The following DMD variants were observed in gnomAD, a reference collection of about 807,000 sequenced individuals.
The protein encoded by DMD is dystrophin.
In DMD, 63 loss-of-function variants were observed where a neutral mutation model predicts 330.1. That is an observed-to-expected ratio of 0.19 (90% CI 0.16 to 0.24). DMD has a LOEUF of 0.24. Ranked by LOEUF, DMD falls within the 10% of genes least tolerant of loss-of-function variation. The pLI is 1.00. For synonymous variants in DMD, 1,223 were observed against 959.8 expected (o/e 1.27, Z -5.07); for missense variants, 3,344 against 2,684.1 (o/e 1.25, Z -5.43).
chrX:32,944,908 T>C (rs1256940414), intron 2 of DMD, among the ~76,000 whole-genome samples: 1 of 111,011 alleles, frequency 9.0e-6, no homozygotes, highest in African/African-American at 3.3e-5. Flanking sequence ...ACCCAGCCAG[T>C]AGAAGTTTTA....
chrX:32,540,026 A>G (rs1192102006), intron 17 of DMD, among the ~76,000 whole-genome samples: 7 of 111,955 alleles, frequency 6.3e-5, no homozygotes, highest in African/African-American at 2.3e-4. Flanking sequence ...TTAAGATGGC[A>G]TTCACTTAAA....
chrX:31,325,610 A>C (rs1346122617), intron 61 of DMD, among the ~76,000 whole-genome samples: 1 of 110,990 alleles, frequency 9.0e-6, no homozygotes, highest in African/African-American at 3.3e-5. Flanking sequence ...GCAAAACTCC[A>C]ACTGAAAAAC....
At chrX:31,275,831 A>G (rs1603282237) in intron 62 of DMD, among the ~76,000 whole-genome samples, 1 of 111,371 alleles carries the variant, frequency 9.0e-6, no homozygotes, top group Admixed American at 9.6e-5. Flanking sequence ...GGGCTAGAGG[A>G]AAAGGAAAAG....
chrX:31,200,379 C>T (rs1317150606), intron 67 of DMD, among the ~76,000 whole-genome samples: 1 of 111,394 alleles, frequency 9.0e-6, no homozygotes, highest in Admixed American at 9.6e-5. Context: ...AACCCTTCCA[C>T]CAGCTGAGGG....
chrX:31,906,122 C>G (rs546768858), intron 47 of DMD, among the ~76,000 whole-genome samples: 1 of 111,109 alleles, frequency 9.0e-6, no homozygotes, highest in Middle Eastern at 4.2e-3. Context: ...TGAGTTCTCA[C>G]GAGGTCTGAT....
intron 7 of DMD, among the ~76,000 whole-genome samples, chrX:32,706,467 G>T (rs1378352991): frequency 1.8e-5 from 2 of 110,474 alleles, no homozygotes. Flanking sequence ...GGGAGGCTGA[G>T]GTTAGAGAAT....
At chrX:31,626,053 C>T (rs940440987) in intron 55 of DMD, among the ~76,000 whole-genome samples, 1 of 111,067 alleles carries the variant, frequency 9.0e-6, no homozygotes, top group African/African-American at 3.3e-5. Flanking sequence ...GGCGCCACCT[C>T]GGCTCACTGC....
chrX:31,741,960 C>T (rs1286875576), intron 51 of DMD, among the ~76,000 whole-genome samples: 1 of 112,127 alleles, frequency 8.9e-6, no homozygotes, highest in Non-Finnish European at 1.9e-5. Flanking sequence ...GCTGCAGCTT[C>T]TCCATCAGCA....
At chrX:32,175,530 G>A (rs893679612) in intron 44 of DMD, among the ~76,000 whole-genome samples, 3 of 110,591 alleles carry the variant, frequency 2.7e-5, no homozygotes, top group Non-Finnish European at 3.8e-5. Flanking sequence ...TCGCTGTTTG[G>A]GTTCGTGCCA....
chrX:31,260,336 T>C (rs1234990045), intron 63 of DMD, among the ~76,000 whole-genome samples: 2 of 112,297 alleles, frequency 1.8e-5, no homozygotes, highest in Non-Finnish European at 3.8e-5. Context: ...TGGACATTTG[T>C]CCAGTGTAAA....
intron 9 of DMD, among the ~76,000 whole-genome samples, chrX:32,666,070 CAG>C (rs758667561): frequency 1.8e-5 from 2 of 110,854 alleles, no homozygotes; most frequent in African/African-American, 6.6e-5. Context: ...TTCAACAAAA[CAG>C]AAGTAGGGAA....
chrX:33,292,810 A>T (rs975775982), intron 1 of DMD, among the ~76,000 whole-genome samples: 1 of 110,416 alleles, frequency 9.1e-6, no homozygotes, highest in Non-Finnish European at 1.9e-5. Context: ...GTTTCATTTG[A>T]CTCCTACTCT....
At position 32,649,525 on chromosome X, in the gene DMD, C is replaced by T. The variant is rs758032251; in HGVS notation, c.961-4373G>A. ...GAGCCGAGAAAGCGCCACTGCACTCCGGCCTGGGCAAAACAGCAAGACTCC... is the reference window on the plus strand; with the variant it reads ...GAGCCGAGAAAGCGCCACTGCACTCTGGCCTGGGCAAAACAGCAAGACTCC... On this transcript the variant is annotated intron_variant, in intron 9 of 78. Transcript: ENST00000357033. 7.2e-5 allele frequency among the ~76,000 whole-genome samples: 7 copies of T among 97,213 alleles called. No homozygotes were observed. The East Asian group carries it at 2.2e-3, about 30-fold the overall frequency. The allele number at this position is 97,213 out of a possible 115,157, so 84.4% of individuals were successfully genotyped here.
At chrX:32,577,098 A>G (rs776060430) in intron 13 of DMD, among the ~76,000 whole-genome samples, 2 of 111,965 alleles carry the variant, frequency 1.8e-5, no homozygotes, top group African/African-American at 6.5e-5. Flanking sequence ...CCATTAAGTT[A>G]CAATGAGTCT....
intron 57 of DMD, among the ~76,000 whole-genome samples, chrX:31,488,623 A>G (rs1303072224): frequency 9.0e-6 from 1 of 111,540 alleles, no homozygotes; most frequent in Non-Finnish European, 1.9e-5. Flanking sequence ...CAAACTCCAC[A>G]TTCTATCTAT....
At chrX:32,364,546 C>A (rs1429860676) in intron 36 of DMD, 36 bp downstream of exon 36, 15 of 1,201,469 alleles carry the variant, frequency 1.2e-5, no homozygotes, top group Middle Eastern at 2.3e-4. Context: ...AACTGGTGTA[C>A]AATTTGGACA....
chrX:32,731,189 C>T (rs1041561614), intron 7 of DMD, among the ~76,000 whole-genome samples: 2 of 112,260 alleles, frequency 1.8e-5, no homozygotes, highest in Non-Finnish European at 3.8e-5. Flanking sequence ...CACCCGAATA[C>T]TGCGTGTTTC....
intron 7 of DMD, among the ~76,000 whole-genome samples, chrX:32,732,255 G>A (rs2067789200): frequency 9.0e-6 from 1 of 110,956 alleles, no homozygotes; most frequent in South Asian, 3.9e-4. Flanking sequence ...AGAAATATGG[G>A]ACTATGTGAA....
rs776483018 is a variant in DMD at position 32,200,240 on chromosome X, A to T, written c.6438+16676T>A. Among the ~76,000 whole-genome samples the T allele has an allele frequency of 5.4e-5, 6 of 111,307 alleles. No homozygotes were observed. In the East Asian group the frequency reaches 1.7e-3, roughly 32 times the overall value. On this transcript the variant is annotated intron_variant, in intron 44 of 78. Transcript: ENST00000357033. ...CCTGCTCCAGCTCACTTTTCCAATC[A>T]GTTTTTATAATAAGCATTATTTATT...
Sources: gnomAD v4.1 joint callset for allele counts (sites outside exome capture counted in the v4.1 genomes callset) on GRCh38, gnomAD v4.1.1 for gene constraint, MANE v1.5 for transcripts, NCBI Gene and HGNC (gene_info 2026-07-23, HGNC 2026-07-21) for gene names.